GLCCI1: variants seen among roughly 807,000 people sequenced by gnomAD.
GLCCI1 encodes glucocorticoid-induced transcript 1 protein.
A neutral mutation model predicts 52.2 loss-of-function variants in GLCCI1; 24 were observed. The observed-to-expected ratio is 0.46, with a 90% CI of 0.33 to 0.65. The LOEUF is 0.65. Among genes scored for constraint, GLCCI1 ranks in the 30% least tolerant of loss-of-function variants. The probability of loss-of-function intolerance (pLI) is 0.02; values close to 1 mark genes in which losing one functional copy is unlikely to be tolerated. For missense variants in GLCCI1, 704 were observed against 701.5 expected, an observed-to-expected ratio of 1.00 and a Z score of -0.04; for synonymous variants, 310 against 276.5, an observed-to-expected ratio of 1.12 and a Z score of -1.20.
At chr7:7,987,772 AT>A (rs919949937) in intron 1 of GLCCI1, among the ~76,000 whole-genome samples, 8 of 147,268 alleles carry the variant, frequency 5.4e-5, no homozygotes, top group African/African-American at 2.1e-4. Context: ...TTTATTTTTT[AT>A]TTTTTTTAGA....
rs866525051 is a variant in GLCCI1, at chr7:8,086,064, T to A, written c.1299-129T>A. ...TTGTGCTATGGAAGATGTTTACCCC[T>A]CTGTATACACTTAACCCATCTCCTG... On this transcript the variant is annotated intron_variant, in intron 7 of 7. Transcript: ENST00000223145. The surrounding 1 kb of genome is among the most constrained non-coding windows in gnomAD (Gnocchi z 4.4). 1.5e-5 allele frequency: 11 copies of A among 727,380 alleles called. No individual in the cohort carries two copies. The Middle Eastern group carries it at 3.1e-3, about 205-fold the overall frequency. The allele number at this position is 727,380 out of a possible 1,614,324, so 45.1% of individuals were successfully genotyped here.
chr7:8,065,170 T>C (rs1310671214), intron 5 of GLCCI1, among the ~76,000 whole-genome samples: 1 of 152,206 alleles, frequency 6.6e-6, no homozygotes, highest in African/African-American at 2.4e-5. Context: ...TCCTAAGCTA[T>C]TGTGAATGTG....
chr7:8,010,955 A>AAT (rs1781251723), intron 2 of GLCCI1, among the ~76,000 whole-genome samples: 1 of 151,964 alleles, frequency 6.6e-6, no homozygotes, highest in South Asian at 2.1e-4. Flanking sequence ...GTTGTGGTAA[A>AAT]ATATATATAA....
Position 7,981,229 on chromosome 7 carries a change from T to G in GLCCI1, c.457+11422T>G, listed in dbSNP as rs905886925. ...ATCTGGGACTGGAAGACAGGAGAAA[T>G]CCTCTGTTATTTCTTTCTTTCTTTC... On this transcript the variant is annotated intron_variant, in intron 1 of 7. Transcript: ENST00000223145. The G allele has an allele frequency of 1.1e-5, 3 of 269,236 alleles. No individual in the cohort carries two copies. The Admixed American group carries it at 1.6e-4, about 14-fold the overall frequency. The allele number at this position is 269,236 out of a possible 1,614,324, so 16.7% of individuals were successfully genotyped here.
intron 2 of GLCCI1, among the ~76,000 whole-genome samples, 190 bp from the exon 3 acceptor site, chr7:8,022,293 G>A (rs956029340): frequency 1.3e-5 from 2 of 152,050 alleles, no homozygotes; most frequent in South Asian, 4.1e-4. Flanking sequence ...ACATCTTTGA[G>A]CATATATAAT....
intron 4 of GLCCI1, among the ~76,000 whole-genome samples, chr7:8,059,229 G>C (rs1782464136): frequency 6.6e-6 from 1 of 152,122 alleles, no homozygotes; most frequent in Non-Finnish European, 1.5e-5. Context: ...CTCAATATGA[G>C]AAAAGTTCAT....
chr7:8,081,549 A>T (rs1006145601), intron 6 of GLCCI1, among the ~76,000 whole-genome samples: 1 of 152,182 alleles, frequency 6.6e-6, no homozygotes, highest in Non-Finnish European at 1.5e-5. Flanking sequence ...GGTATGCTCA[A>T]ATGTATAATT....
intron 3 of GLCCI1, among the ~76,000 whole-genome samples, chr7:8,048,474 C>T (rs757889651): frequency 6.6e-6 from 1 of 152,044 alleles, no homozygotes; most frequent in Non-Finnish European, 1.5e-5. Flanking sequence ...TCTAATGCAG[C>T]AGTAAATCTA....
intron 6 of GLCCI1, among the ~76,000 whole-genome samples, chr7:8,078,936 T>A (rs753249564): frequency 6.6e-6 from 1 of 152,214 alleles, no homozygotes. Context: ...CATTTTCCTT[T>A]AGCAAGAATT....
At chr7:8,048,954 A>G (rs1782196171) in intron 3 of GLCCI1, among the ~76,000 whole-genome samples, 1 of 152,182 alleles carries the variant, frequency 6.6e-6, no homozygotes, top group Admixed American at 6.5e-5. Flanking sequence ...ACGTAAGTAG[A>G]ACTGTTATAT....
intron 1 of GLCCI1, among the ~76,000 whole-genome samples, chr7:7,979,335 T>C (rs1320309428): frequency 6.6e-6 from 1 of 151,698 alleles, no homozygotes; most frequent in African/African-American, 2.4e-5. Flanking sequence ...AGGTAACAAA[T>C]AGTGGGTCAA....
intron 5 of GLCCI1, among the ~76,000 whole-genome samples, chr7:8,067,143 G>A (rs1412725497): frequency 6.6e-6 from 1 of 152,006 alleles, no homozygotes; most frequent in Non-Finnish European, 1.5e-5. Context: ...TACTGACCTT[G>A]TCTTTTTTGA....
chr7:8,048,412 A>AT (rs1364324993), intron 3 of GLCCI1, among the ~76,000 whole-genome samples: 1 of 151,176 alleles, frequency 6.6e-6, no homozygotes, highest in African/African-American at 2.5e-5. Context: ...ACTCTCACCA[A>AT]TTTTTTTGGG....
At chr7:8,021,412 A>G (rs982959155) in intron 2 of GLCCI1, among the ~76,000 whole-genome samples, 3 of 152,218 alleles carry the variant, frequency 2.0e-5, no homozygotes, top group African/African-American at 7.2e-5. Flanking sequence ...AATATTGTTT[A>G]ATTATTATTT....
At position 8,029,042 on chromosome 7, in the gene GLCCI1, A is replaced by G. The variant is rs543136452; in HGVS notation, c.696+6473A>G. On this transcript the variant is annotated intron_variant, in intron 3 of 7. Transcript: ENST00000223145. ...AACATTTAAAGAACACCTAGTACCA[A>G]TCCTACTAAAGCTTTTCCAAAAAAT... 1.2e-4 allele frequency among the ~76,000 whole-genome samples: 18 copies of G among 152,266 alleles called. No individual in the cohort carries two copies. In the South Asian group the frequency reaches 2.9e-3, roughly 25 times the overall value.
At chr7:8,034,837 G>A (rs1031379710) in intron 3 of GLCCI1, among the ~76,000 whole-genome samples, 1 of 152,198 alleles carries the variant, frequency 6.6e-6, no homozygotes, top group African/African-American at 2.4e-5. Flanking sequence ...GCAGCAAACT[G>A]CTGGTATTCA....
rs562568591 is a variant in GLCCI1, at chr7:8,058,801, C to G, written c.814-1295C>G. Among the ~76,000 whole-genome samples the G allele has an allele frequency of 1.1e-4, 16 of 152,328 alleles. No homozygotes were observed. The South Asian group carries it at 2.3e-3, about 22-fold the overall frequency. ...CATGCAGTTGAAAATTTGTTTATAA[C>G]TTTTGGGTTCCCAAAAACTTAACCT... is the stretch of plus-strand genomic sequence containing the variant. On this transcript the variant is annotated intron_variant, in intron 4 of 7. Coordinates refer to ENST00000223145, the MANE Select transcript of GLCCI1 (RefSeq NM_138426.4).
At chr7:7,993,302 G>T (rs577293970) in intron 1 of GLCCI1, among the ~76,000 whole-genome samples, 1 of 152,092 alleles carries the variant, frequency 6.6e-6, no homozygotes, top group African/African-American at 2.4e-5. Context: ...AAAAATTCTC[G>T]ATTCTGCTCT....
At chr7:8,009,046 A>C (rs144584363) in intron 2 of GLCCI1, among the ~76,000 whole-genome samples, 1 of 152,156 alleles carries the variant, frequency 6.6e-6, no homozygotes, top group Admixed American at 6.5e-5. Flanking sequence ...GCACATTCAC[A>C]CGTTTATTCT....
Sources: gnomAD v4.1 joint callset for allele counts (sites outside exome capture counted in the v4.1 genomes callset) on GRCh38, gnomAD v4.1.1 for gene constraint, Gnocchi (gnomAD v3.1) non-coding constraint, MANE v1.5 for transcripts, NCBI Gene and HGNC (gene_info 2026-07-23, HGNC 2026-07-21) for gene names.